The following PCDHGB4 variants were observed in gnomAD, a reference collection of about 807,000 sequenced individuals.
The protein encoded by PCDHGB4 is protocadherin gamma subfamily B, 4.
In PCDHGB4, 38 loss-of-function variants were observed where a neutral mutation model predicts 60.5. The observed-to-expected ratio is 0.63, with a 90% CI of 0.48 to 0.82. PCDHGB4 has a LOEUF of 0.82. Ranked by LOEUF, PCDHGB4 falls within the 40% of genes least tolerant of loss-of-function variation. PCDHGB4 has a pLI of 0.00. For missense variants in PCDHGB4, 1,109 were observed against 1,209.6 expected (o/e 0.92, Z 1.23); for synonymous variants, 456 against 509.7 (o/e 0.89, Z 1.42).
At chr5:141,474,607 A>C (rs1334447439) in intron 1 of PCDHGB4, among the ~76,000 whole-genome samples, 1 of 152,238 alleles carries the variant, frequency 6.6e-6, no homozygotes, top group Non-Finnish European at 1.5e-5. Context: ...TAGGTCACAT[A>C]TGGCTTTTCA....
intron 1 of PCDHGB4, among the ~76,000 whole-genome samples, chr5:141,426,066 A>T (rs1488003387): frequency 6.6e-6 from 1 of 152,196 alleles, no homozygotes; most frequent in Admixed American, 6.5e-5. Context: ...CAAGAACTGG[A>T]GCCTGGGATC....
At chr5:141,475,934 G>T in intron 1 of PCDHGB4, 1 of 665,236 alleles carries the variant, frequency 1.5e-6, no homozygotes, top group Non-Finnish European at 2.5e-6. Context: ...TCGGGCCCCT[G>T]CCCGTCCCCT....
intron 3 of PCDHGB4, among the ~76,000 whole-genome samples, chr5:141,510,330 C>T (rs1420880240): frequency 6.6e-6 from 1 of 151,298 alleles, no homozygotes; most frequent in Non-Finnish European, 1.5e-5. Context: ...GCACTCTTCA[C>T]CCCCACCCCA....
chr5:141,462,036 G>A (rs760555655), intron 1 of PCDHGB4, among the ~76,000 whole-genome samples: 5 of 151,978 alleles, frequency 3.3e-5, no homozygotes, highest in African/African-American at 7.3e-5. Flanking sequence ...TTGGTCAGGC[G>A]GGTCTTGAAC....
At chr5:141,403,056 T>A in intron 1 of PCDHGB4, 1 of 1,614,046 alleles carries the variant, frequency 6.2e-7, no homozygotes, top group Non-Finnish European at 8.5e-7. Flanking sequence ...CGCTACTCAG[T>A]GCCTGAAGAG....
chr5:141,444,695 CCT>C (rs2154560766), intron 1 of PCDHGB4, among the ~76,000 whole-genome samples: 1 of 152,134 alleles, frequency 6.6e-6, no homozygotes, highest in South Asian at 2.1e-4. Flanking sequence ...AAAATATTTT[CCT>C]CTTTCTGTTG....
intron 1 of PCDHGB4, among the ~76,000 whole-genome samples, chr5:141,470,011 C>T (rs2099218489): frequency 6.6e-6 from 1 of 152,144 alleles, no homozygotes; most frequent in Non-Finnish European, 1.5e-5. Context: ...CGCCTGTAAT[C>T]CCAGCTACTC....
intron 1 of PCDHGB4, chr5:141,414,696 A>T: frequency 6.2e-7 from 1 of 1,613,982 alleles, no homozygotes; most frequent in Non-Finnish European, 8.5e-7. Flanking sequence ...CTCTGTCCTC[A>T]TACATATCCA....
chr5:141,415,128 G>C (rs376477668), intron 1 of PCDHGB4: 33 of 1,613,528 alleles, frequency 2.0e-5, no homozygotes, highest in Admixed American at 5.0e-5. Context: ...TGGCCGTCCA[G>C]GACCACGGCC....
At chr5:141,401,278 G>A (rs1355696847) in intron 1 of PCDHGB4, among the ~76,000 whole-genome samples, 4 of 152,160 alleles carry the variant, frequency 2.6e-5, no homozygotes, top group African/African-American at 9.7e-5. Context: ...GCAGGTGGAG[G>A]TTGCGGTGAG....
In PCDHGB4 at chr5:141,487,265, G is replaced by A; in HGVS notation, c.2398-7542G>A. 2 of 1,614,158 alleles carry A rather than the reference G, an allele frequency of 1.2e-6. 1 individual carries two copies. Among genetic ancestry groups the A allele is most frequent in the South Asian group, 2.2e-5 (2 of 91,084 alleles). On this transcript the variant is annotated intron_variant, in intron 1 of 3. Transcript: ENST00000519479. The surrounding 1 kb of genome is among the most constrained non-coding windows in gnomAD (Gnocchi z 5.0). Reference sequence around the variant, plus strand: ...AACCCTCTACTTGGCTGTGTCCCTAGTGGCAATTTGCTTTGTCTCCTTTGG... The same window carrying A: ...AACCCTCTACTTGGCTGTGTCCCTAATGGCAATTTGCTTTGTCTCCTTTGG...
Position 141,489,492 on chromosome 5 carries a change from G to T in PCDHGB4, c.2398-5315G>T, listed in dbSNP as rs1258376136. On this transcript the variant is annotated intron_variant, in intron 1 of 3. Coordinates refer to ENST00000519479, the MANE Select transcript of PCDHGB4 (RefSeq NM_003736.4). The surrounding 1 kb of genome is among the most constrained non-coding windows in gnomAD (Gnocchi z 4.5). ...CCCTGAGCTTGATGAGTGGTGCCCT[G>T]GCAGTGAATCAAAAGATTGACCGAG... 1 of 1,614,042 alleles carries T rather than the reference G, an allele frequency of 6.2e-7. No individual in the cohort carries two copies. The highest frequency in any genetic ancestry group is 1.1e-5 in the South Asian group (1 of 91,078).
intron 1 of PCDHGB4, chr5:141,423,468 A>G (rs1474468597): frequency 6.2e-7 from 1 of 1,613,960 alleles, no homozygotes; most frequent in Admixed American, 1.7e-5. Flanking sequence ...TGGACGGGGT[A>G]CAGGCTTTCC....
At chr5:141,418,572 A>AC (rs752316020) in intron 1 of PCDHGB4, 2 of 1,613,794 alleles carry the variant, frequency 1.2e-6, no homozygotes, top group African/African-American at 1.3e-5. Context: ...GCCAATGACA[A>AC]CCCCCCAGTG....
intron 1 of PCDHGB4, chr5:141,478,595 T>A: frequency 6.4e-7 from 1 of 1,567,880 alleles, no homozygotes; most frequent in Non-Finnish European, 8.7e-7. Flanking sequence ...TTTTTATTCC[T>A]ACATCATATT....
intron 1 of PCDHGB4, chr5:141,426,568 C>T: frequency 5.6e-6 from 2 of 354,402 alleles, no homozygotes; most frequent in Non-Finnish European, 5.6e-6. Flanking sequence ...TCGAGAGTCA[C>T]TGTCTTCAAA....
chr5:141,509,024 C>T (rs2099873840), intron 3 of PCDHGB4, among the ~76,000 whole-genome samples: 1 of 152,108 alleles, frequency 6.6e-6, no homozygotes, highest in African/African-American at 2.4e-5. Flanking sequence ...GCTGCTCCCT[C>T]CCACTCAACC....
Position 141,511,315 on chromosome 5 carries a change from G to A in PCDHGB4, c.*142G>A. ...AAGGCCATGCTCCCCTTGGGAAACA[G>A]AAACAAGTGCCCAGTCAGCACCTAC... On this transcript the variant is annotated 3_prime_UTR_variant, in exon 4 of 4. Coordinates refer to ENST00000519479, the MANE Select transcript of PCDHGB4 (RefSeq NM_003736.4). 6.8e-7 allele frequency: 1 copy of A among 1,481,384 alleles called. No individual in the cohort carries two copies. Among genetic ancestry groups the A allele is most frequent in the Non-Finnish European group, 9.0e-7 (1 of 1,110,974 alleles). 91.8% of individuals were successfully genotyped at this position (1,481,384 alleles called of 1,614,324 possible).
chr5:141,422,151 G>A (rs763343536), intron 1 of PCDHGB4: 1 of 1,575,938 alleles, frequency 6.3e-7, no homozygotes, highest in Admixed American at 2.0e-5. Flanking sequence ...GGGGGTCTCT[G>A]GATTTTGAAA....
Sources: gnomAD v4.1 joint callset for allele counts (sites outside exome capture counted in the v4.1 genomes callset) on GRCh38, gnomAD v4.1.1 for gene constraint, Gnocchi (gnomAD v3.1) non-coding constraint, MANE v1.5 for transcripts, NCBI Gene and HGNC (gene_info 2026-07-23, HGNC 2026-07-21) for gene names.